SCN1B: variants seen among roughly 807,000 people sequenced by gnomAD.
The protein encoded by SCN1B is sodium channel regulatory subunit beta-1.
Under a neutral mutation model 25.7 loss-of-function variants are expected in SCN1B, and 11 were observed. The observed-to-expected ratio is 0.43, with a 90% CI of 0.27 to 0.71. SCN1B has a LOEUF of 0.71. Ranked by LOEUF, SCN1B falls within the 30% of genes least tolerant of loss-of-function variation. SCN1B has a pLI of 0.21. For synonymous variants in SCN1B, 119 were observed against 117.5 expected, an observed-to-expected ratio of 1.01 and a Z score of -0.08; for missense variants, 224 against 291.5, an observed-to-expected ratio of 0.77 and a Z score of 1.69.
In SCN1B at chr19:35,039,215, A is replaced by G; in HGVS notation, c.547A>G (p.Lys183Glu). ...CGTGGCAGAGATGATTTACTGCTAC[A>G]AGAAGATCGCTGCCGCCACGGAGAC... is the stretch of plus-strand genomic sequence containing the variant. ...WLVAEMIYCYKKIAAATETAA... is the reference protein window; with the variant it reads ...WLVAEMIYCYEKIAAATETAA... The change falls in exon 4 of 6, where the codon AAG becomes GAG. Residue 183 changes from lysine to glutamate, a missense_variant. Lys to Glu is a moderately conservative substitution (Grantham distance 56). Coordinates refer to ENST00000262631, the MANE Select transcript of SCN1B (RefSeq NM_001037.5). 6.2e-7 allele frequency: 1 copy of G among 1,614,160 alleles called. No individual in the cohort carries two copies. Among genetic ancestry groups the G allele is most frequent in the Non-Finnish European group, 8.5e-7 (1 of 1,180,036 alleles).
chr19:35,039,314 G>A (rs1442043507), intron 4 of SCN1B, 56 bp downstream of exon 4: 2 of 1,603,740 alleles, frequency 1.2e-6, no homozygotes, highest in East Asian at 2.2e-5. Context: ...ACACTTGCCA[G>A]AGAGGAACTC....
chr19:35,034,176 T>A, intron 3 of SCN1B: 2 of 1,546,070 alleles, frequency 1.3e-6, no homozygotes, highest in Non-Finnish European at 1.7e-6. Flanking sequence ...GCCTTGCAGG[T>A]GGTGGCGAGG....
chr19:35,034,274 G>A (rs541514361), intron 3 of SCN1B: 44 of 1,153,588 alleles, frequency 3.8e-5, no homozygotes, highest in East Asian at 5.2e-5. Flanking sequence ...GCAGAGTTCC[G>A]CACACCCCTC....
intron 3 of SCN1B, chr19:35,034,296 C>T (rs1463657330): frequency 3.3e-6 from 3 of 920,058 alleles, no homozygotes; most frequent in South Asian, 1.7e-5. Context: ...GCACTCCTGC[C>T]CCGGGGGAGC....
Position 35,040,025 on chromosome 19 carries a change from A to C in SCN1B, c.*234A>C. 1 of 367,740 alleles carries C rather than the reference A, an allele frequency of 2.7e-6. No individual in the cohort carries two copies. 22.8% of individuals were successfully genotyped at this position (367,740 alleles called of 1,614,324 possible). A position where few individuals can be genotyped will look rare whatever the true frequency, so the allele number is the denominator to read the frequency against. ...CGCCATGCATGATGGGTAAAGCAAT[A>C]CTGCCGCTGCCCCCACCCTGCTTCT... On this transcript the variant is annotated 3_prime_UTR_variant, in exon 6 of 6. Coordinates refer to ENST00000262631, the MANE Select transcript of SCN1B (RefSeq NM_001037.5).
At position 35,032,726 on chromosome 19, in the gene SCN1B, G is replaced by T; in HGVS notation, c.207+32G>T. 1 of 1,611,216 alleles carries T rather than the reference G, an allele frequency of 6.2e-7. No homozygotes were observed. The highest frequency in any genetic ancestry group is 8.5e-7 in the Non-Finnish European group (1 of 1,179,312). On this transcript the variant is annotated intron_variant, in intron 2 of 5. Coordinates refer to ENST00000262631, the MANE Select transcript of SCN1B (RefSeq NM_001037.5). This position sits in a 1 kb window ranked among gnomAD's most constrained non-coding sequence, Gnocchi z 4.3. ...GGGTGCCGGGAACGGGCATGGGAGG[G>T]CAGGGGTCCACGAGTGGGAGGCGGT...
At chr19:35,033,447 A>T in intron 2 of SCN1B, 52 bp from the exon 3 acceptor site, 1 of 1,611,044 alleles carries the variant, frequency 6.2e-7, no homozygotes, top group Non-Finnish European at 8.5e-7. Context: ...AGGGTCAGGT[A>T]AGGGAAGAGA....
chr19:35,032,819 A>C lies in SCN1B; in HGVS notation c.207+125A>C. The C allele has an allele frequency of 8.3e-7, 1 of 1,204,178 alleles. No individual in the cohort carries two copies. Among genetic ancestry groups the C allele is most frequent in the Non-Finnish European group, 1.2e-6 (1 of 844,502 alleles). 74.6% of individuals were successfully genotyped at this position (1,204,178 alleles called of 1,614,324 possible). On this transcript the variant is annotated intron_variant, in intron 2 of 5. Transcript: ENST00000262631. This position sits in a 1 kb window ranked among gnomAD's most constrained non-coding sequence, Gnocchi z 4.3. ...GCTGTGATTGCTGACCTGGATTCAG[A>C]TTCTGGCTCCACCAGTGGCCAGCTG...
chr19:35,037,263 G>A (rs967629742), intron 3 of SCN1B: 1 of 152,206 alleles, frequency 6.6e-6, no homozygotes, highest in East Asian at 1.9e-4. Flanking sequence ...GTTAGGAGAA[G>A]GCAGATGGGG....
At position 35,040,071 on chromosome 19, in the gene SCN1B, G is replaced by A. The variant is rs1215593206; in HGVS notation, c.*280G>A. 6 of 324,104 alleles carry A rather than the reference G, an allele frequency of 1.9e-5. No individual in the cohort carries two copies. The highest frequency in any genetic ancestry group is 3.0e-5 in the Non-Finnish European group (5 of 167,692). 20.1% of individuals were successfully genotyped at this position (324,104 alleles called of 1,614,324 possible). A position where few individuals can be genotyped will look rare whatever the true frequency, so the allele number is the denominator to read the frequency against. On this transcript the variant is annotated 3_prime_UTR_variant, in exon 6 of 6. Transcript: ENST00000262631. ...CTTCTGCTGCCTGTTTGGGGAGGGGGGCGGTGAGGTGGGGGCAGCGGCCCC... is the reference window on the plus strand; with the variant it reads ...CTTCTGCTGCCTGTTTGGGGAGGGGAGCGGTGAGGTGGGGGCAGCGGCCCC...
chr19:35,037,149 T>C (rs558543392), intron 3 of SCN1B: 2 of 152,276 alleles, frequency 1.3e-5, no homozygotes, highest in South Asian at 4.2e-4. Context: ...GAATGAGCCA[T>C]GCCATTTCCA....
chr19:35,033,564 G>A lies in SCN1B; in HGVS notation c.273G>A (p.Val91=), dbSNP rs16969926. ...ATGAGCGCTTCGAGGGCCGCGTGGTGTGGAATGGCAGCCGGGGCACCAAAG... is the reference window on the plus strand; with the variant it reads ...ATGAGCGCTTCGAGGGCCGCGTGGTATGGAATGGCAGCCGGGGCACCAAAG... ...EEDERFEGRV[V]WNGSRGTKDL... is the part of the protein sequence containing the mutation. The change falls in exon 3 of 6, where the codon GTG becomes GTA. Residue 91 remains valine, a synonymous_variant. Coordinates refer to ENST00000262631, the MANE Select transcript of SCN1B (RefSeq NM_001037.5). 13 of 1,613,956 alleles carry A rather than the reference G, an allele frequency of 8.1e-6. No individual in the cohort carries two copies. In the Admixed American group the frequency reaches 1.8e-4, roughly 23 times the overall value.
chr19:35,030,869 GCGGGGGGCGCGCGCGGC>G lies in SCN1B; in HGVS notation c.40+18_40+34del. 4 of 739,202 alleles carry G rather than the reference GCGGGGGGCGCGCGCGGC, an allele frequency of 5.4e-6. No individual in the cohort carries two copies. The highest frequency in any genetic ancestry group is 6.9e-6 in the Non-Finnish European group (4 of 577,710). 45.8% of individuals were successfully genotyped at this position (739,202 alleles called of 1,614,324 possible). Reference sequence around the variant, plus strand: ...GGTCGGCGCGGCACTGGGTGAGTGCGCGGGGGGCGCGCGCGGCCGGGGGGCACCGCGGGGGCACTGGC... The same window carrying G: ...GGTCGGCGCGGCACTGGGTGAGTGCGCGGGGGGCACCGCGGGGGCACTGGC... On this transcript the variant is annotated intron_variant, in intron 1 of 5. Coordinates refer to ENST00000262631, the MANE Select transcript of SCN1B (RefSeq NM_001037.5).
At position 35,030,810 on chromosome 19, in the gene SCN1B, G is replaced by A. The variant is rs1409653788; in HGVS notation, c.-11G>A. 2.8e-6 allele frequency: 3 copies of A among 1,079,180 alleles called. No individual in the cohort carries two copies. The highest frequency in any genetic ancestry group is 2.1e-5 in the South Asian group (1 of 47,652). The allele number at this position is 1,079,180 out of a possible 1,614,324, so 66.9% of individuals were successfully genotyped here. A position where few individuals can be genotyped will look rare whatever the true frequency, so the allele number is the denominator to read the frequency against. On this transcript the variant is annotated 5_prime_UTR_variant, in exon 1 of 6. Transcript: ENST00000262631. ...GGCCCGGGAGGGGGGCGCAGCACGC[G>A]CCGCGCAGCCATGGGGAGGCTGCTG...
chr19:35,038,584 C>G (rs73040318), intron 3 of SCN1B: 24,512 of 190,330 alleles, frequency 0.13, 1,902 homozygotes, highest in Middle Eastern at 0.25. Flanking sequence ...TGAACCCTGG[C>G]AGTCTGGCCC....
At chr19:35,033,465 G>A (rs1453285706) in intron 2 of SCN1B, 34 bp from the exon 3 acceptor site, 2 of 1,612,610 alleles carry the variant, frequency 1.2e-6, no homozygotes, top group Admixed American at 1.7e-5. Context: ...AGAGGCCCAG[G>A]CAGTGACACC....
At chr19:35,031,640 C>T (rs2064214849) in intron 1 of SCN1B, 1 of 152,366 alleles carries the variant, frequency 6.6e-6, no homozygotes, top group South Asian at 2.1e-4. Context: ...GACAGAGGCC[C>T]TCAGGGAGTC....
At chr19:35,033,982 C>G in intron 3 of SCN1B, 1 of 1,551,352 alleles carries the variant, frequency 6.4e-7, no homozygotes. Flanking sequence ...GTACAGAACC[C>G]AGCTCTGTCA....
Position 35,032,517 on chromosome 19 carries a change from T to C in SCN1B, c.41-11T>C. The C allele has an allele frequency of 1.2e-6, 2 of 1,613,460 alleles. No individual in the cohort carries two copies. The highest frequency in any genetic ancestry group is 2.2e-5 in the South Asian group (2 of 91,086). ...GTGCCTCTGCCTGACCTGAGCCTGC[T>C]GTCCCCACAGTGTCCTCAGCCTGCG... is the stretch of plus-strand genomic sequence containing the variant. On this transcript the variant is annotated splice_polypyrimidine_tract_variant and intron_variant, in intron 1 of 5. Transcript: ENST00000262631. This position sits in a 1 kb window ranked among gnomAD's most constrained non-coding sequence, Gnocchi z 4.3.
Sources: allele counts gnomAD v4.1 joint callset, GRCh38; gene constraint gnomAD v4.1.1; non-coding constraint Gnocchi (gnomAD v3.1); transcripts MANE v1.5; gene names NCBI Gene and HGNC (gene_info 2026-07-23, HGNC 2026-07-21).